The following PLEKHH1 variants were observed in gnomAD, a reference collection of about 807,000 sequenced individuals.
The protein encoded by PLEKHH1 is pleckstrin homology domain-containing family H member 1.
A neutral mutation model predicts 160.0 loss-of-function variants in PLEKHH1; 104 were observed. That is an observed-to-expected ratio of 0.65 (90% CI 0.55 to 0.76). The LOEUF (loss-of-function observed/expected upper bound fraction) is 0.76, where lower values mean the gene tolerates loss of function less well. Ranked by LOEUF, PLEKHH1 falls within the 30% of genes least tolerant of loss-of-function variation. The pLI is 0.00. For synonymous variants in PLEKHH1, 619 were observed against 678.4 expected (o/e 0.91, Z 1.36); for missense variants, 1,427 against 1,724.1 (o/e 0.83, Z 3.05).
chr14:67,541,783 C>A, intron 1 of PLEKHH1, 51 bp from the exon 2 acceptor site: 1 of 1,294,200 alleles, frequency 7.7e-7, no homozygotes. Flanking sequence ...CCACAGAACT[C>A]TTCCTCACAC....
intron 7 of PLEKHH1, among the ~76,000 whole-genome samples, chr14:67,563,400 T>G (rs1035490686): frequency 6.6e-6 from 1 of 152,122 alleles, no homozygotes; most frequent in South Asian, 2.1e-4. Context: ...TGGCTATTTT[T>G]CTTTCTTTGT....
intron 1 of PLEKHH1, among the ~76,000 whole-genome samples, chr14:67,538,269 A>G (rs1253100466): frequency 6.6e-6 from 1 of 152,130 alleles, no homozygotes; most frequent in Non-Finnish European, 1.5e-5. Context: ...GAAGAGGACA[A>G]TTGTAGATAT....
chr14:67,546,515 C>T (rs2034187727), intron 2 of PLEKHH1, among the ~76,000 whole-genome samples: 1 of 152,118 alleles, frequency 6.6e-6, no homozygotes, highest in Non-Finnish European at 1.5e-5. Flanking sequence ...CTTAGCCTCC[C>T]GAGTAGCTGG....
At chr14:67,538,278 A>C (rs2033822186) in intron 1 of PLEKHH1, among the ~76,000 whole-genome samples, 1 of 152,184 alleles carries the variant, frequency 6.6e-6, no homozygotes, top group African/African-American at 2.4e-5. Flanking sequence ...AATTGTAGAT[A>C]TTGGGAGATC....
chr14:67,541,965 G>A lies in PLEKHH1; in HGVS notation c.98G>A (p.Ser33Asn), dbSNP rs1416230548. 2 of 1,607,344 alleles carry A rather than the reference G, an allele frequency of 1.2e-6. No individual in the cohort carries two copies. Among genetic ancestry groups the A allele is most frequent in the Non-Finnish European group, 8.5e-7 (1 of 1,177,168 alleles). Residue 33 changes from serine (S) to asparagine (N), a missense_variant, in exon 2 of 29, where the codon AGC becomes AAC. By Grantham distance (46) the Ser-to-Asn change is conservative. This residue lies in a region of PLEKHH1 where 831 missense variants were observed against 929.2 expected (regional missense o/e 0.89). Coordinates refer to ENST00000329153, the MANE Select transcript of PLEKHH1 (RefSeq NM_020715.3). ...TQLFRFRLQA[S>N]KIRELLADKM... ...CTTTTCCGGTTCCGCCTACAGGCCA[G>A]CAAGATAAGGGAGCTGCTGGCTGAC... is the stretch of plus-strand genomic sequence containing the variant.
intron 2 of PLEKHH1, among the ~76,000 whole-genome samples, chr14:67,549,452 G>C (rs546059238): frequency 2.6e-5 from 4 of 151,974 alleles, no homozygotes; most frequent in Non-Finnish European, 5.9e-5. Flanking sequence ...TGTATTTTTA[G>C]TAGCGACGGG....
chr14:67,569,855 T>C, intron 8 of PLEKHH1, 66 bp from the exon 9 acceptor site: 1 of 1,022,350 alleles, frequency 9.8e-7, no homozygotes, highest in Non-Finnish European at 1.5e-6. Context: ...CCCAGTTCTC[T>C]GCTTCCCCCA....
rs1267756543 is a variant in PLEKHH1, at chr14:67,578,770, T to C, written c.2849+139T>C. On this transcript the variant is annotated intron_variant, in intron 20 of 28. Transcript: ENST00000329153. The surrounding 1 kb of genome is among the most constrained non-coding windows in gnomAD (Gnocchi z 5.0). ...TCAGTGGTCGTGGAGACTTCACCCA[T>C]TGCCGTGTGCACAAATGGGCACGTG... The C allele has an allele frequency of 1.5e-5, 10 of 679,976 alleles. No individual in the cohort carries two copies. Among genetic ancestry groups the C allele is most frequent in the Non-Finnish European group, 2.4e-5 (9 of 374,246 alleles). The allele number at this position is 679,976 out of a possible 1,614,324, so 42.1% of individuals were successfully genotyped here. A position where few individuals can be genotyped will look rare whatever the true frequency, so the allele number is the denominator to read the frequency against.
rs2033534956 is a variant in PLEKHH1, at chr14:67,533,331, C to T, written c.-102C>T. 6.6e-6 allele frequency: 1 copy of T among 151,420 alleles called. No individual in the cohort carries two copies. The allele number at this position is 151,420 out of a possible 1,614,324, so 9.4% of individuals were successfully genotyped here. A position where few individuals can be genotyped will look rare whatever the true frequency, so the allele number is the denominator to read the frequency against. The stretch of plus-strand genomic sequence containing the variant: ...TCCGGCGAGAGCGACGCAAGGTCGG[C>T]TGCGGCGGCGGCCCGAGGGCGCCCG... On this transcript the variant is annotated 5_prime_UTR_variant, in exon 1 of 29. Transcript: ENST00000329153.
chr14:67,558,217 C>T (rs966145405), intron 4 of PLEKHH1, among the ~76,000 whole-genome samples: 7 of 152,176 alleles, frequency 4.6e-5, no homozygotes, highest in Admixed American at 4.6e-4. Context: ...CCCAGCTTTC[C>T]CCTCGTGCCA....
intron 9 of PLEKHH1, 182 bp from the exon 10 acceptor site, chr14:67,571,570 G>C (rs1014921329): frequency 1.9e-5 from 11 of 568,416 alleles, no homozygotes; most frequent in African/African-American, 1.7e-4. Context: ...GGCCTGAGAA[G>C]CATGGAGGTC....
At chr14:67,554,286 T>C (rs1467514023) in intron 2 of PLEKHH1, among the ~76,000 whole-genome samples, 1 of 151,764 alleles carries the variant, frequency 6.6e-6, no homozygotes, top group Non-Finnish European at 1.5e-5. Context: ...AGCTGAGAGA[T>C]TGGGAAAGAG....
In PLEKHH1 at chr14:67,562,218, G is replaced by C; in HGVS notation, c.587G>C (p.Gly196Ala). 1 of 1,611,960 alleles carries C rather than the reference G, an allele frequency of 6.2e-7. No homozygotes were observed. Among genetic ancestry groups the C allele is most frequent in the South Asian group, 1.1e-5 (1 of 90,720 alleles). ...CAGGATTCTGTCCCTTCAGAGCCGG[G>C]AATCCAGCCTATGGGCCAGGACAGT... is the stretch of plus-strand genomic sequence containing the variant. ...AEQDSVPSEP[G>A]IQPMGQDSGS... Residue 196 changes from glycine to alanine, a missense_variant, in exon 7 of 29, where the codon GGA becomes GCA. Coordinates refer to ENST00000329153, the MANE Select transcript of PLEKHH1 (RefSeq NM_020715.3).
rs1348005705 is a variant in PLEKHH1 at position 67,533,345 on chromosome 14, C to G, written c.-88C>G. The G allele has an allele frequency of 6.6e-6, 1 of 151,370 alleles. No individual in the cohort carries two copies. Among genetic ancestry groups the G allele is most frequent in the African/African-American group, 2.4e-5 (1 of 41,312 alleles). 9.4% of individuals were successfully genotyped at this position (151,370 alleles called of 1,614,324 possible). A position where few individuals can be genotyped will look rare whatever the true frequency, so the allele number is the denominator to read the frequency against. ...CGCAAGGTCGGCTGCGGCGGCGGCC[C>G]GAGGGCGCCCGTGTGCCCAGTGCGC... On this transcript the variant is annotated 5_prime_UTR_variant, in exon 1 of 29. Transcript: ENST00000329153.
chr14:67,579,890 A>G lies in PLEKHH1; in HGVS notation c.3183+14A>G. 1 of 1,585,220 alleles carries G rather than the reference A, an allele frequency of 6.3e-7. No homozygotes were observed. The highest frequency in any genetic ancestry group is 8.6e-7 in the Non-Finnish European group (1 of 1,165,530). On this transcript the variant is annotated intron_variant, in intron 22 of 28. Transcript: ENST00000329153. The stretch of plus-strand genomic sequence containing the variant: ...GGAAGTGTCAAGGTGACAGCCTCCC[A>G]CTAAGCCAGCTGAGCCCCTCCCTGC...
chr14:67,577,607 T>C (rs758434278), intron 18 of PLEKHH1, among the ~76,000 whole-genome samples, 193 bp downstream of exon 18: 1 of 152,172 alleles, frequency 6.6e-6, no homozygotes, highest in Non-Finnish European at 1.5e-5. Context: ...TGGAACGTCA[T>C]GCACAAGTCC....
intron 2 of PLEKHH1, among the ~76,000 whole-genome samples, chr14:67,546,862 C>T (rs752848281): frequency 6.6e-6 from 1 of 152,110 alleles, no homozygotes; most frequent in South Asian, 2.1e-4. Context: ...AATCCTGTCT[C>T]AAAGGATATA....
Position 67,584,125 on chromosome 14 carries a change from G to C in PLEKHH1, c.3699+1G>C. 6.2e-7 allele frequency: 1 copy of C among 1,612,658 alleles called. No homozygotes were observed. Among genetic ancestry groups the C allele is most frequent in the South Asian group, 1.1e-5 (1 of 91,036 alleles). ...TGGTGCTAAACTTTTTGCTGCTCAGGTAAGTGCCAGTGGAAGGAGCTGCCC... is the reference window on the plus strand; with the variant it reads ...TGGTGCTAAACTTTTTGCTGCTCAGCTAAGTGCCAGTGGAAGGAGCTGCCC... On this transcript the variant is annotated splice_donor_variant, in intron 26 of 28. Transcript: ENST00000329153. LOFTEE classifies it high-confidence loss of function.
chr14:67,568,492 T>C (rs965400515), intron 7 of PLEKHH1, among the ~76,000 whole-genome samples: 5 of 152,032 alleles, frequency 3.3e-5, no homozygotes, highest in Non-Finnish European at 5.9e-5. Context: ...TAAAGCATGC[T>C]GGGATTAATA....
Sources: allele counts gnomAD v4.1 joint callset (sites outside exome capture counted in the v4.1 genomes callset), GRCh38; gene constraint gnomAD v4.1.1; regional missense constraint gnomAD v4.1.1; non-coding constraint Gnocchi (gnomAD v3.1); transcripts MANE v1.5; gene names NCBI Gene and HGNC (gene_info 2026-07-23, HGNC 2026-07-21).